Variants in SLIT2 observed in about 807,000 individuals in gnomAD.
SLIT2 encodes the protein slit homolog 2 protein.
A neutral mutation model predicts 185.7 loss-of-function variants in SLIT2; 41 were observed. The observed-to-expected ratio is 0.22, with a 90% CI of 0.17 to 0.29. The LOEUF is 0.29. Among genes scored for constraint, SLIT2 ranks in the 10% least tolerant of loss-of-function variants. SLIT2 has a pLI of 1.00. For missense variants in SLIT2, 1,571 were observed against 1,909.0 expected (o/e 0.82, Z 3.30); for synonymous variants, 693 against 680.2 (o/e 1.02, Z -0.29).
intron 35 of SLIT2, 94 bp downstream of exon 35, chr4:20,617,292 AGGGAG>A (rs1006731749): frequency 9.4e-5 from 43 of 458,868 alleles, no homozygotes; most frequent in Non-Finnish European, 1.3e-4. Flanking sequence ...GGGGACGGGA[AGGGAG>A]GGGAGGGGAG....
intron 4 of SLIT2, among the ~76,000 whole-genome samples, chr4:20,361,647 T>C (rs1346713156): frequency 2.0e-5 from 3 of 152,162 alleles, no homozygotes; most frequent in Non-Finnish European, 4.4e-5. Flanking sequence ...TTAGCTACTT[T>C]ATACATATTG....
At chr4:20,404,689 CT>C (rs1211859791) in intron 4 of SLIT2, among the ~76,000 whole-genome samples, 5 of 152,020 alleles carry the variant, frequency 3.3e-5, no homozygotes, top group Middle Eastern at 6.8e-3. Flanking sequence ...ATTAGAAATC[CT>C]TGTCTGTCCT....
chr4:20,321,742 AT>A (rs1428958405), intron 4 of SLIT2, among the ~76,000 whole-genome samples: 2 of 152,046 alleles, frequency 1.3e-5, no homozygotes, highest in South Asian at 2.1e-4. Context: ...TCATGCCCAG[AT>A]TTTTTCTATT....
At chr4:20,413,315 C>A (rs1440580503) in intron 4 of SLIT2, among the ~76,000 whole-genome samples, 1 of 151,798 alleles carries the variant, frequency 6.6e-6, no homozygotes, top group Non-Finnish European at 1.5e-5. Context: ...AATTTTATTT[C>A]ATTGTGTTAA....
chr4:20,456,851 G>T (rs1406642247), intron 4 of SLIT2, among the ~76,000 whole-genome samples: 5 of 151,956 alleles, frequency 3.3e-5, no homozygotes, highest in African/African-American at 1.2e-4. Flanking sequence ...GGCTTTCAAA[G>T]ACTGTTTACC....
chr4:20,371,657 T>C (rs1279783169), intron 4 of SLIT2, among the ~76,000 whole-genome samples: 1 of 152,044 alleles, frequency 6.6e-6, no homozygotes, highest in Non-Finnish European at 1.5e-5. Context: ...ACACAGTGCA[T>C]GGTTATGCCA....
intron 4 of SLIT2, among the ~76,000 whole-genome samples, chr4:20,334,488 AT>A (rs1051975015): frequency 2.6e-5 from 4 of 152,154 alleles, no homozygotes; most frequent in African/African-American, 9.7e-5. Flanking sequence ...AATTTTTAAA[AT>A]TGTTTAGGAG....
chr4:20,609,301 A>G (rs1275427695), intron 33 of SLIT2, among the ~76,000 whole-genome samples: 1 of 152,140 alleles, frequency 6.6e-6, no homozygotes, highest in Non-Finnish European at 1.5e-5. Context: ...GGCCCTTGAA[A>G]ATTATAGAAA....
intron 4 of SLIT2, among the ~76,000 whole-genome samples, chr4:20,404,607 G>A (rs994204391): frequency 5.3e-5 from 8 of 151,934 alleles, no homozygotes; most frequent in Admixed American, 1.3e-4. Context: ...GTGTGTGCTC[G>A]AAAAAGTTCA....
rs1456113907 is a variant in SLIT2, at chr4:20,491,987, G to T, written c.914+88G>T. ...TTGGGAAATTCTGAGTTTATCGAAGGCACATCTGATCAATTGGCTTAGACA... is the reference window on the plus strand; with the variant it reads ...TTGGGAAATTCTGAGTTTATCGAAGTCACATCTGATCAATTGGCTTAGACA... On this transcript the variant is annotated intron_variant, in intron 9 of 36. Transcript: ENST00000504154. 5 of 1,314,854 alleles carry T rather than the reference G, an allele frequency of 3.8e-6. No individual in the cohort carries two copies. The African/African-American group carries it at 4.4e-5, about 12-fold the overall frequency. 81.4% of individuals were successfully genotyped at this position (1,314,854 alleles called of 1,614,324 possible).
chr4:20,427,191 C>A (rs774032574), intron 4 of SLIT2, among the ~76,000 whole-genome samples: 1 of 152,132 alleles, frequency 6.6e-6, no homozygotes, highest in Non-Finnish European at 1.5e-5. Context: ...TGTGATCCGG[C>A]CTGAACCAAT....
In SLIT2 at chr4:20,486,498, A is replaced by C. The variant is rs3775804; in HGVS notation, c.611+227A>C. ...TTATGGAAACTTTGGAGTTAAAAAA[A>C]AACAACATTTACTTTGAGCTATTGT... On this transcript the variant is annotated intron_variant, in intron 7 of 36. Coordinates refer to ENST00000504154, the MANE Select transcript of SLIT2 (RefSeq NM_004787.4). 5.9e-5 allele frequency among the ~76,000 whole-genome samples: 9 copies of C among 152,274 alleles called. No individual in the cohort carries two copies. The East Asian group carries it at 1.7e-3, about 29-fold the overall frequency.
intron 19 of SLIT2, among the ~76,000 whole-genome samples, chr4:20,539,822 A>G (rs926907864): frequency 2.0e-5 from 3 of 152,222 alleles, no homozygotes; most frequent in Non-Finnish European, 4.4e-5. Flanking sequence ...TCATAGTGAT[A>G]TGATCAATAA....
intron 4 of SLIT2, among the ~76,000 whole-genome samples, chr4:20,362,455 T>C (rs1722813703): frequency 6.6e-6 from 1 of 152,136 alleles, no homozygotes; most frequent in Non-Finnish European, 1.5e-5. Flanking sequence ...TTTTCATGGA[T>C]TGATTTTCCA....
intron 29 of SLIT2, among the ~76,000 whole-genome samples, chr4:20,580,966 G>GA (rs1225749871): frequency 2.6e-5 from 4 of 152,100 alleles, no homozygotes; most frequent in Non-Finnish European, 4.4e-5. Context: ...AAAAGAAAAA[G>GA]AAAAAGGAAG....
At chr4:20,491,171 G>T (rs1717749774) in intron 8 of SLIT2, among the ~76,000 whole-genome samples, 1 of 152,096 alleles carries the variant, frequency 6.6e-6, no homozygotes, top group Non-Finnish European at 1.5e-5. Context: ...TTAACAATAA[G>T]ATGACTTTAT....
intron 4 of SLIT2, among the ~76,000 whole-genome samples, chr4:20,391,097 C>T (rs1009706797): frequency 1.1e-4 from 16 of 152,108 alleles, no homozygotes; most frequent in Admixed American, 9.8e-4. Context: ...ATCTATTTGA[C>T]TCTAAAGGCC....
At chr4:20,356,812 C>T (rs1424625337) in intron 4 of SLIT2, among the ~76,000 whole-genome samples, 4 of 152,066 alleles carry the variant, frequency 2.6e-5, no homozygotes, top group South Asian at 2.1e-4. Context: ...CAAAGCTCTC[C>T]GGCCACTTTC....
intron 4 of SLIT2, among the ~76,000 whole-genome samples, chr4:20,466,510 C>CA (rs79674154): frequency 6.6e-6 from 1 of 151,940 alleles, no homozygotes; most frequent in African/African-American, 2.4e-5. Context: ...AATTGCTTAG[C>CA]AAAAAAACAT....
Sources: allele counts gnomAD v4.1 joint callset (sites outside exome capture counted in the v4.1 genomes callset), GRCh38; gene constraint gnomAD v4.1.1; transcripts MANE v1.5; gene names NCBI Gene and HGNC (gene_info 2026-07-23, HGNC 2026-07-21).